The following MYH10 variants were observed in gnomAD, a reference collection of about 807,000 sequenced individuals.
The protein encoded by MYH10 is myosin-10.
MYH10 carries 55 observed loss-of-function variants against 257.8 expected under a neutral mutation model. That is an observed-to-expected ratio of 0.21 (90% CI 0.17 to 0.27). The LOEUF (loss-of-function observed/expected upper bound fraction) is 0.27. MYH10 is among the 10% of genes least tolerant of loss of function. MYH10 has a pLI of 1.00. For synonymous variants in MYH10, 854 were observed against 921.7 expected, an observed-to-expected ratio of 0.93 and a Z score of 1.33; for missense variants, 1,631 against 2,500.6, an observed-to-expected ratio of 0.65 and a Z score of 7.42.
chr17:8,566,927 G>A (rs776741011), intron 7 of MYH10, among the ~76,000 whole-genome samples: 8 of 152,114 alleles, frequency 5.3e-5, no homozygotes, highest in Non-Finnish European at 1.0e-4. Context: ...AGGAAAAAGC[G>A]GGGCCACTGA....
intron 4 of MYH10, among the ~76,000 whole-genome samples, chr17:8,578,018 A>G (rs2083564046): frequency 6.6e-6 from 1 of 152,148 alleles, no homozygotes. Context: ...AAACAATTAA[A>G]TTAATATGAT....
chr17:8,502,480 T>TGTGTGTGTGTG (rs2080925993), intron 28 of MYH10, among the ~76,000 whole-genome samples: 1 of 150,142 alleles, frequency 6.7e-6, no homozygotes, highest in Admixed American at 6.6e-5. Flanking sequence ...GGGAAAATAG[T>TGTGTGTGTGTG]TGTGTGTGTG....
chr17:8,496,948 C>A (rs2151832712), intron 30 of MYH10, among the ~76,000 whole-genome samples: 1 of 152,268 alleles, frequency 6.6e-6, no homozygotes, highest in Middle Eastern at 3.4e-3. Flanking sequence ...ATGTAACCAG[C>A]CCCTAATAAA....
intron 26 of MYH10, among the ~76,000 whole-genome samples, chr17:8,508,201 G>A (rs573452461): frequency 5.5e-4 from 84 of 152,130 alleles, no homozygotes; most frequent in African/African-American, 2.0e-3. Context: ...GCTCCTGGGC[G>A]CAAGCAATCC....
intron 40 of MYH10, 115 bp downstream of exon 40, chr17:8,479,995 T>G: frequency 1.0e-6 from 1 of 960,282 alleles, no homozygotes; most frequent in Non-Finnish European, 1.6e-6. Flanking sequence ...CCCACTCTGG[T>G]TATATGTGTT....
At chr17:8,610,582 C>T (rs898382707) in intron 2 of MYH10, among the ~76,000 whole-genome samples, 1 of 152,088 alleles carries the variant, frequency 6.6e-6, no homozygotes, top group Non-Finnish European at 1.5e-5. Context: ...GAGGTGAGGC[C>T]TATTGAGAGG....
At chr17:8,476,303 T>C (rs574810705) in intron 42 of MYH10, among the ~76,000 whole-genome samples, 6 of 152,372 alleles carry the variant, frequency 3.9e-5, no homozygotes, top group Admixed American at 1.3e-4. Flanking sequence ...TGCATATTCT[T>C]TGTTTCGGCG....
chr17:8,495,342 G>A, intron 30 of MYH10, 101 bp from the exon 31 acceptor site: 1 of 718,368 alleles, frequency 1.4e-6, no homozygotes, highest in East Asian at 2.6e-5. Flanking sequence ...CTCGGCGGGA[G>A]TGTGAACCTG....
chr17:8,522,160 A>G (rs1274823493), intron 17 of MYH10, among the ~76,000 whole-genome samples: 2 of 152,264 alleles, frequency 1.3e-5, no homozygotes, highest in South Asian at 2.1e-4. Flanking sequence ...TTTAAAATCA[A>G]TCAGAATTAT....
At chr17:8,559,464 T>C (rs1040007307) in intron 7 of MYH10, among the ~76,000 whole-genome samples, 1 of 152,192 alleles carries the variant, frequency 6.6e-6, no homozygotes, top group Non-Finnish European at 1.5e-5. Flanking sequence ...AGCATCCTTC[T>C]AGGCAATCCC....
chr17:8,592,111 T>C (rs1279091162), intron 3 of MYH10, among the ~76,000 whole-genome samples: 2 of 152,246 alleles, frequency 1.3e-5, no homozygotes, highest in African/African-American at 2.4e-5. Context: ...CAGTAGGGAC[T>C]CATTTGATAG....
intron 3 of MYH10, among the ~76,000 whole-genome samples, chr17:8,601,838 T>C (rs1463035938): frequency 1.3e-5 from 2 of 152,260 alleles, no homozygotes; most frequent in Non-Finnish European, 2.9e-5. Flanking sequence ...GCTAGCTTCC[T>C]GCTTTTTCAC....
chr17:8,519,060 AAAGAT>A (rs1469059716), intron 19 of MYH10, 110 bp from the exon 20 acceptor site: 1 of 741,852 alleles, frequency 1.3e-6, no homozygotes, highest in African/African-American at 1.8e-5. Context: ...AATACATGTT[AAAGAT>A]ATGATGTAAT....
chr17:8,547,091 C>G (rs2082469112), intron 11 of MYH10, among the ~76,000 whole-genome samples: 1 of 152,152 alleles, frequency 6.6e-6, no homozygotes, highest in African/African-American at 2.4e-5. Context: ...TATACTGATG[C>G]TGAACATAGT....
chr17:8,521,061 A>C (rs1395560301), intron 18 of MYH10, 31 bp downstream of exon 18: 4 of 1,613,372 alleles, frequency 2.5e-6, no homozygotes, highest in African/African-American at 2.7e-5. Context: ...ATCAGTTTTA[A>C]ATACTAGCAT....
In MYH10 at chr17:8,506,922, C is replaced by T. The variant is rs955556860; in HGVS notation, c.3215-433G>A. Among the ~76,000 whole-genome samples, 4 of 152,214 alleles carry T rather than the reference C, an allele frequency of 2.6e-5. No individual in the cohort carries two copies. The highest frequency in any genetic ancestry group is 4.8e-5 in the African/African-American group (2 of 41,454). On this transcript the variant is annotated intron_variant, in intron 26 of 42. Transcript: ENST00000360416. The surrounding 1 kb of genome is among the most constrained non-coding windows in gnomAD (Gnocchi z 5.0). The stretch of plus-strand genomic sequence containing the variant: ...TCTGAACCAAGAAAACTGCCATCCT[C>T]GAGTACTGGGAGAGAGGAGACAGAA...
At chr17:8,586,141 A>G (rs1055161000) in intron 4 of MYH10, among the ~76,000 whole-genome samples, 2 of 152,208 alleles carry the variant, frequency 1.3e-5, no homozygotes, top group Non-Finnish European at 2.9e-5. Flanking sequence ...CCAGCTGTTC[A>G]TCAGCATCAA....
At chr17:8,578,243 C>CTTTTT (rs5819199) in intron 4 of MYH10, among the ~76,000 whole-genome samples, 93 of 129,082 alleles carry the variant, frequency 7.2e-4, no homozygotes, top group East Asian at 1.1e-3. Context: ...TTCTTTCTTT[C>CTTTTT]TTTTTTTTTT....
At chr17:8,560,608 T>C in intron 7 of MYH10, 1 of 905,322 alleles carries the variant, frequency 1.1e-6, no homozygotes, top group South Asian at 1.3e-5. Context: ...AGGAAAAGGA[T>C]TTGGTTATAA....
Sources: allele counts gnomAD v4.1 joint callset (sites outside exome capture counted in the v4.1 genomes callset), GRCh38; gene constraint gnomAD v4.1.1; non-coding constraint Gnocchi (gnomAD v3.1); transcripts MANE v1.5; gene names NCBI Gene and HGNC (gene_info 2026-07-23, HGNC 2026-07-21).